CSMD1: variants seen among roughly 807,000 people sequenced by gnomAD.
The protein encoded by CSMD1 is CUB and Sushi multiple domains 1, also known as CUB and sushi domain-containing protein 1.
Under a neutral mutation model 417.5 loss-of-function variants are expected in CSMD1, and 213 were observed. That is an observed-to-expected ratio of 0.51 (90% CI 0.46 to 0.57). The LOEUF is 0.57. CSMD1 is among the 20% of genes least tolerant of loss of function. CSMD1 has a pLI of 0.00. For missense variants in CSMD1, 6,923 were observed against 4,529.7 expected, an observed-to-expected ratio of 1.53 and a Z score of -15.17; for synonymous variants, 2,862 against 1,736.8, an observed-to-expected ratio of 1.65 and a Z score of -16.11.
intron 10 of CSMD1, among the ~76,000 whole-genome samples, chr8:3,554,698 C>T (rs1268188790): frequency 2.6e-5 from 4 of 152,142 alleles, no homozygotes; most frequent in African/African-American, 9.7e-5. Flanking sequence ...CTCAGCCTGG[C>T]TTTGTTAATC....
At chr8:4,474,167 T>C (rs896584167) in intron 2 of CSMD1, among the ~76,000 whole-genome samples, 1 of 152,134 alleles carries the variant, frequency 6.6e-6, no homozygotes, top group Non-Finnish European at 1.5e-5. Flanking sequence ...TTTCCACACA[T>C]GGAAATAATC....
chr8:3,722,340 G>C (rs7837511), intron 6 of CSMD1, among the ~76,000 whole-genome samples: 421 of 152,242 alleles, frequency 2.8e-3, no homozygotes, highest in African/African-American at 9.6e-3. Flanking sequence ...AATAGCTTGA[G>C]CTTTCATAAA....
At chr8:4,821,389 A>G (rs2117387729) in intron 1 of CSMD1, among the ~76,000 whole-genome samples, 1 of 152,306 alleles carries the variant, frequency 6.6e-6, no homozygotes, top group African/African-American at 2.4e-5. Flanking sequence ...ATCCCCATAA[A>G]GCAAACCTAG....
intron 1 of CSMD1, among the ~76,000 whole-genome samples, chr8:4,719,305 T>C (rs145672063): frequency 4.9e-4 from 74 of 152,324 alleles, no homozygotes; most frequent in Non-Finnish European, 8.1e-4. Flanking sequence ...TGAAGCCTAA[T>C]AAGAAATAAG....
intron 5 of CSMD1, among the ~76,000 whole-genome samples, chr8:3,960,110 G>C (rs1006067614): frequency 6.6e-6 from 1 of 152,142 alleles, no homozygotes; most frequent in African/African-American, 2.4e-5. Context: ...TGGAAACACA[G>C]GTTGTTCAAA....
chr8:4,220,793 G>A lies in CSMD1; in HGVS notation c.416-188694C>T, dbSNP rs560616941. On this transcript the variant is annotated intron_variant, in intron 3 of 69. Transcript: ENST00000635120. ...GGGCCACCCAAGAAATCCTTATAAC[G>A]CACCGAACGCAGCTCAGGTAAGACA... 4.2e-4 allele frequency among the ~76,000 whole-genome samples: 64 copies of A among 152,288 alleles called. No homozygotes were observed. The South Asian group carries it at 5.4e-3, about 13-fold the overall frequency.
chr8:3,482,435 A>G (rs180681084), intron 11 of CSMD1, among the ~76,000 whole-genome samples: 28 of 152,336 alleles, frequency 1.8e-4, no homozygotes. Context: ...GAGGGACACC[A>G]CAAAATAATA....
intron 3 of CSMD1, among the ~76,000 whole-genome samples, chr8:4,193,801 A>G (rs1007409132): frequency 6.6e-6 from 1 of 152,074 alleles, no homozygotes; most frequent in East Asian, 1.9e-4. Flanking sequence ...GAAGGATGCT[A>G]TGGCGAGAAG....
chr8:4,542,955 G>C (rs555763870), intron 2 of CSMD1, among the ~76,000 whole-genome samples: 20 of 152,020 alleles, frequency 1.3e-4, no homozygotes, highest in Non-Finnish European at 2.5e-4. Flanking sequence ...TTATAATCAT[G>C]GCATATTTGC....
intron 26 of CSMD1, among the ~76,000 whole-genome samples, chr8:3,242,406 G>C (rs896817860): frequency 5.9e-5 from 9 of 151,942 alleles, no homozygotes; most frequent in African/African-American, 1.9e-4. Context: ...TTTGGGATGA[G>C]TTGCATGGGA....
chr8:3,034,982 C>T (rs971508942), intron 50 of CSMD1, among the ~76,000 whole-genome samples: 17 of 152,128 alleles, frequency 1.1e-4, no homozygotes, highest in African/African-American at 3.9e-4. Context: ...TCATTTCTGC[C>T]CAGGGATGGC....
rs550119568 is a variant in CSMD1, at chr8:4,994,223, C to A, written c.85+109G>T. 3.3e-3 allele frequency: 3,025 copies of A among 917,652 alleles called. 13 individuals carry two copies. Among genetic ancestry groups the A allele is most frequent in the South Asian group, 8.8e-3 (578 of 65,502 alleles). 56.8% of individuals were successfully genotyped at this position (917,652 alleles called of 1,614,324 possible). A position where few individuals can be genotyped will look rare whatever the true frequency, so the allele number is the denominator to read the frequency against. ...GCTTCGGCGATGGAGCAGCGCCGGGCAGAGGCGGCCACTCCGTACCCTGCG... is the reference window on the plus strand; with the variant it reads ...GCTTCGGCGATGGAGCAGCGCCGGGAAGAGGCGGCCACTCCGTACCCTGCG... On this transcript the variant is annotated intron_variant, in intron 1 of 69. Transcript: ENST00000635120.
chr8:3,627,778 G>A (rs996742351), intron 7 of CSMD1, among the ~76,000 whole-genome samples: 7 of 152,114 alleles, frequency 4.6e-5, no homozygotes, highest in African/African-American at 1.4e-4. Flanking sequence ...AGTGAGGGTT[G>A]GAATTTCAGC....
chr8:3,616,196 C>T (rs1023290730), intron 8 of CSMD1, among the ~76,000 whole-genome samples: 1 of 152,248 alleles, frequency 6.6e-6, no homozygotes, highest in African/African-American at 2.4e-5. Flanking sequence ...CTGTAGCATC[C>T]ATAATCTCCA....
chr8:3,396,525 G>C (rs571814815), intron 16 of CSMD1, 144 bp from the exon 17 acceptor site: 2 of 594,924 alleles, frequency 3.4e-6, no homozygotes, highest in Admixed American at 3.4e-5. Context: ...TAAAACTTGG[G>C]TACAAATATA....
At chr8:4,886,098 C>G (rs529007496) in intron 1 of CSMD1, among the ~76,000 whole-genome samples, 11 of 152,204 alleles carry the variant, frequency 7.2e-5, no homozygotes, top group African/African-American at 2.7e-4. Flanking sequence ...TCAGACGATC[C>G]TCCTGCCTCA....
chr8:3,062,393 C>T (rs999919801), intron 49 of CSMD1, among the ~76,000 whole-genome samples: 6 of 152,122 alleles, frequency 3.9e-5, no homozygotes, highest in Non-Finnish European at 7.4e-5. Context: ...GGTGCGATGT[C>T]GGGTGTTTCC....
chr8:4,589,480 G>A (rs1275873554), intron 2 of CSMD1, among the ~76,000 whole-genome samples: 1 of 152,138 alleles, frequency 6.6e-6, no homozygotes, highest in Non-Finnish European at 1.5e-5. Context: ...ACTCTCTGCT[G>A]ATCAGTGCCT....
intron 3 of CSMD1, among the ~76,000 whole-genome samples, chr8:4,060,194 A>G (rs1379829257): frequency 6.6e-6 from 1 of 151,966 alleles, no homozygotes; most frequent in South Asian, 2.1e-4. Context: ...GACAAAAACC[A>G]CATGATTATT....
Sources: allele counts gnomAD v4.1 joint callset (sites outside exome capture counted in the v4.1 genomes callset), GRCh38; gene constraint gnomAD v4.1.1; transcripts MANE v1.5; gene names NCBI Gene and HGNC (gene_info 2026-07-23, HGNC 2026-07-21).